The following SPEF2 variants were observed in gnomAD, a reference collection of about 807,000 sequenced individuals.
SPEF2 encodes sperm flagella and cilia-associated protein 2.
SPEF2 carries 187 observed loss-of-function variants against 224.6 expected under a neutral mutation model. The observed-to-expected ratio is 0.83, with a 90% CI of 0.74 to 0.94. SPEF2 has a LOEUF of 0.94. SPEF2 is among the 40% of genes least tolerant of loss of function. The pLI, the probability that SPEF2 is intolerant of heterozygous loss-of-function variation, is 0.00. For synonymous variants in SPEF2, 715 were observed against 707.3 expected, an observed-to-expected ratio of 1.01 and a Z score of -0.17; for missense variants, 2,170 against 2,135.6, an observed-to-expected ratio of 1.02 and a Z score of -0.32.
chr5:35,667,138 C>T lies in SPEF2; in HGVS notation c.1234C>T (p.Gln412Ter). The change falls in exon 9 of 37, where the codon CAG becomes TAG. Residue 412 changes from glutamine (Q) to a stop codon, truncating the protein, a stop_gained. Transcript: ENST00000356031. LOFTEE classifies it high-confidence loss of function. ...QFLKEKRFHD[Q>*]IAVERAQARY... ...CCTTAAAGAAAAGAGATTTCATGAT[C>T]AGATTGCTGTGGAAAGAGCTCAAGC... 6.2e-7 allele frequency: 1 copy of T among 1,611,194 alleles called. No individual in the cohort carries two copies. The highest frequency in any genetic ancestry group is 8.5e-7 in the Non-Finnish European group (1 of 1,179,116).
intron 30 of SPEF2, among the ~76,000 whole-genome samples, chr5:35,787,579 C>G (rs1580735083): frequency 6.6e-6 from 1 of 152,182 alleles, no homozygotes; most frequent in African/African-American, 2.4e-5. Flanking sequence ...CTTACAGGCA[C>G]TGCAACATTG....
chr5:35,703,918 A>G (rs1410807625), intron 16 of SPEF2, among the ~76,000 whole-genome samples: 1 of 152,094 alleles, frequency 6.6e-6, no homozygotes, highest in African/African-American at 2.4e-5. Context: ...GAGTAATTCT[A>G]ATTTCTTTTA....
chr5:35,702,224 C>T (rs1195374024), intron 16 of SPEF2: 10 of 456,052 alleles, frequency 2.2e-5, no homozygotes, highest in African/African-American at 1.2e-4. Context: ...CTGCAGTGCT[C>T]GGGGTCTATG....
Position 35,751,069 on chromosome 5 carries a change from A to ATATATACG in SPEF2, c.3331-2549_3331-2548insCGTATATA, listed in dbSNP as rs1561305604. 5.5e-4 allele frequency among the ~76,000 whole-genome samples: 26 copies of ATATATACG among 47,356 alleles called. 1 individual carries two copies. The South Asian group carries it at 6.5e-3, about 12-fold the overall frequency. The allele number at this position is 47,356 out of a possible 152,430, so 31.1% of individuals were successfully genotyped here. A position where few individuals can be genotyped will look rare whatever the true frequency, so the allele number is the denominator to read the frequency against. ...TATATATATATACGTATATATATGTATATATATATACACACACACACACAC... is the reference window on the plus strand; with the variant it reads ...TATATATATATACGTATATATATGTATATATACGTATATATATACACACACACACACAC... On this transcript the variant is annotated intron_variant, in intron 23 of 36. Coordinates refer to ENST00000356031, the MANE Select transcript of SPEF2 (RefSeq NM_024867.4).
chr5:35,646,701 T>C lies in SPEF2; in HGVS notation c.620T>C (p.Met207Thr), dbSNP rs757584154. The C allele has an allele frequency of 3.1e-6, 5 of 1,613,690 alleles. No homozygotes were observed. The South Asian group carries it at 5.5e-5, about 18-fold the overall frequency. The change falls in exon 5 of 37, where the codon ATG becomes ACG. Residue 207 changes from methionine (M) to threonine (T), a missense_variant. Transcript: ENST00000356031. ...YLNRRRQNEI[M>T]AKIQAAIIQI... ...AACAGAAGACGACAAAATGAAATAA[T>C]GGCCAAAATCCAAGCAGCTATTATA... is the stretch of plus-strand genomic sequence containing the variant.
rs578054858 is a variant in SPEF2, at chr5:35,742,704, G to T, written c.3330+2437G>T. Reference sequence around the variant, plus strand: ...GTTTGTGATTTCTGCCCCTTTTTCTGCTGGAGCATGCTCTGTTCCTTACTG... The same window carrying T: ...GTTTGTGATTTCTGCCCCTTTTTCTTCTGGAGCATGCTCTGTTCCTTACTG... On this transcript the variant is annotated intron_variant, in intron 23 of 36. Coordinates refer to ENST00000356031, the MANE Select transcript of SPEF2 (RefSeq NM_024867.4). Among the ~76,000 whole-genome samples, 4 of 151,608 alleles carry T rather than the reference G, an allele frequency of 2.6e-5. No homozygotes were observed. In the South Asian group the frequency reaches 6.2e-4, roughly 24 times the overall value.
rs413890 is a variant in SPEF2, at chr5:35,627,590, C to T, written c.59-870C>T. Among the ~76,000 whole-genome samples, 1,130 of 152,140 alleles carry T rather than the reference C, an allele frequency of 7.4e-3. 26 individuals carry two copies. Among genetic ancestry groups the T allele is most frequent in the African/African-American group, 0.026 (1,078 of 41,490 alleles). On this transcript the variant is annotated intron_variant, in intron 1 of 36. Transcript: ENST00000356031. ...GTTGTAGATTAGGCCACAGCCTAGG[C>T]GACACAGTGAGACTCCATCAAAAAA...
intron 23 of SPEF2, among the ~76,000 whole-genome samples, chr5:35,741,609 G>T (rs953124958): frequency 1.1e-4 from 17 of 152,184 alleles, no homozygotes; most frequent in African/African-American, 3.9e-4. Context: ...AAAAGAGTCT[G>T]CAGTAGAGTA....
intron 36 of SPEF2, among the ~76,000 whole-genome samples, chr5:35,809,534 T>C (rs565278728): frequency 6.6e-6 from 1 of 151,860 alleles, no homozygotes; most frequent in African/African-American, 2.4e-5. Flanking sequence ...GGCAGCAGAG[T>C]CCTGGGTGAA....
At chr5:35,774,137 A>G in intron 28 of SPEF2, 116 bp downstream of exon 28, 1 of 1,368,306 alleles carries the variant, frequency 7.3e-7, no homozygotes, top group Non-Finnish European at 9.8e-7. Flanking sequence ...CATACAGCAA[A>G]GAGGTTGAAA....
chr5:35,662,032 C>T (rs1401508546), intron 8 of SPEF2, among the ~76,000 whole-genome samples: 1 of 152,194 alleles, frequency 6.6e-6, no homozygotes, highest in African/African-American at 2.4e-5. Flanking sequence ...AACTAATTTA[C>T]TCTTCCACCT....
chr5:35,620,150 A>G (rs1743305216), intron 1 of SPEF2, among the ~76,000 whole-genome samples: 1 of 152,222 alleles, frequency 6.6e-6, no homozygotes, highest in African/African-American at 2.4e-5. Context: ...TTGTAAGCCA[A>G]CAAGCTAGGA....
rs765400600 is a variant in SPEF2, at chr5:35,793,164, G to T, written c.4560G>T (p.Gln1520His). ...TATTTCCTGTTTTCTTCTAGTTACA[G>T]GAATTAACATCTTTATTAACAGTCA... The part of the protein sequence containing the change: ...NWMHLTQPEL[Q>H]ELTSLLTVNS... Residue 1520 changes from glutamine (Q) to histidine (H), a missense_variant, in exon 32 of 37, where the codon CAG becomes CAT. Coordinates refer to ENST00000356031, the MANE Select transcript of SPEF2 (RefSeq NM_024867.4). The T allele has an allele frequency of 9.9e-6, 16 of 1,613,412 alleles. No homozygotes were observed. In the Admixed American group the frequency reaches 2.5e-4, roughly 25 times the overall value.
intron 21 of SPEF2, among the ~76,000 whole-genome samples, chr5:35,732,685 G>A (rs1745833498): frequency 6.6e-6 from 1 of 152,146 alleles, no homozygotes; most frequent in Non-Finnish European, 1.5e-5. Context: ...TGCAAATGCT[G>A]TACTCAGTTC....
chr5:35,814,510 A>G lies in SPEF2; in HGVS notation c.5426A>G (p.Asp1809Gly). 1 of 1,609,936 alleles carries G rather than the reference A, an allele frequency of 6.2e-7. No homozygotes were observed. Among genetic ancestry groups the G allele is most frequent in the Non-Finnish European group, 8.5e-7 (1 of 1,177,528 alleles). The change falls in exon 37 of 37, where the codon GAT becomes GGT. Residue 1809 changes from aspartate to glycine, a missense_variant. Coordinates refer to ENST00000356031, the MANE Select transcript of SPEF2 (RefSeq NM_024867.4). The part of the protein sequence containing the change: ...LQRSEHVQGS[D>G]GERSPSRHTE... ...AGGAGTGAACATGTACAAGGAAGTGATGGAGAGAGATCACCTTCAAGACAT... is the reference window on the plus strand; with the variant it reads ...AGGAGTGAACATGTACAAGGAAGTGGTGGAGAGAGATCACCTTCAAGACAT...
intron 1 of SPEF2, among the ~76,000 whole-genome samples, chr5:35,618,907 A>C (rs772477735): frequency 1.3e-5 from 2 of 150,500 alleles, no homozygotes; most frequent in Admixed American, 6.7e-5. Flanking sequence ...AGAGGTTTTC[A>C]GGGCAAGTCA....
At chr5:35,808,652 A>G (rs1242813940) in intron 36 of SPEF2, among the ~76,000 whole-genome samples, 2 of 151,418 alleles carry the variant, frequency 1.3e-5, no homozygotes, top group African/African-American at 4.9e-5. Context: ...TGTATATATC[A>G]TAGATGGACA....
intron 9 of SPEF2, among the ~76,000 whole-genome samples, chr5:35,668,095 T>A (rs969838390): frequency 1.3e-5 from 2 of 152,110 alleles, no homozygotes; most frequent in Admixed American, 6.6e-5. Context: ...TGGAAAACAG[T>A]TTGGCAATTT....
intron 30 of SPEF2, chr5:35,788,055 CAG>C (rs745705134): frequency 2.8e-6 from 2 of 702,886 alleles, no homozygotes; most frequent in South Asian, 1.5e-5. Context: ...GGAGTGAAGT[CAG>C]GGGGAAGTCA....
Sources: gnomAD v4.1 joint callset for allele counts (sites outside exome capture counted in the v4.1 genomes callset) on GRCh38, gnomAD v4.1.1 for gene constraint, MANE v1.5 for transcripts, NCBI Gene and HGNC (gene_info 2026-07-23, HGNC 2026-07-21) for gene names.